The following OSTM1 variants were observed in gnomAD, a reference collection of about 807,000 sequenced individuals.
OSTM1 encodes osteopetrosis-associated transmembrane protein 1.
Under a neutral mutation model 35.4 loss-of-function variants are expected in OSTM1, and 26 were observed. The ratio of observed to expected loss-of-function variants is 0.73; its 90% confidence interval spans 0.54 to 1.02. The LOEUF (loss-of-function observed/expected upper bound fraction) is 1.02, where lower values mean the gene tolerates loss of function less well. Among genes scored for constraint, OSTM1 ranks in the 50% least tolerant of loss-of-function variants. The pLI, the probability that OSTM1 is intolerant of heterozygous loss-of-function variation, is 0.00. For missense variants in OSTM1, 366 were observed against 409.6 expected (o/e 0.89, Z 0.92); for synonymous variants, 181 against 165.0 (o/e 1.10, Z -0.75).
At chr6:108,048,634 T>C (rs566088127) in intron 5 of OSTM1, among the ~76,000 whole-genome samples, 1 of 152,296 alleles carries the variant, frequency 6.6e-6, no homozygotes, top group East Asian at 1.9e-4. Flanking sequence ...ATCTCCCTGC[T>C]ATTGCCATGT....
rs111481904 is a variant in OSTM1 at position 108,061,535 on chromosome 6, T to G, written c.517+2650A>C. ...TAGGTTAAATGATGTTTAAAAAACC[T>G]TTTTCTTTAAGACAGGGTCTTGCTC... is the stretch of plus-strand genomic sequence containing the variant. On this transcript the variant is annotated intron_variant, in intron 2 of 5. Coordinates refer to ENST00000193322, the MANE Select transcript of OSTM1 (RefSeq NM_014028.4). Among the ~76,000 whole-genome samples, 379 of 152,064 alleles carry G rather than the reference T, an allele frequency of 2.5e-3. 2 individuals carry two copies. Among genetic ancestry groups the G allele is most frequent in the African/African-American group, 8.9e-3 (370 of 41,490 alleles).
rs368663751 is a variant in OSTM1 at position 108,043,782 on chromosome 6, C to T, written c.*1003G>A. The T allele has an allele frequency of 2.0e-5, 3 of 152,252 alleles. No individual in the cohort carries two copies. The highest frequency in any genetic ancestry group is 4.1e-4 in the South Asian group (2 of 4,826). The allele number at this position is 152,252 out of a possible 1,614,324, so 9.4% of individuals were successfully genotyped here. ...CTCACTATTTTCTGCATGAGACTAT[C>T]GTTCCGATTCATCCCCTCAATACAC... On this transcript the variant is annotated 3_prime_UTR_variant, in exon 6 of 6. Coordinates refer to ENST00000193322, the MANE Select transcript of OSTM1 (RefSeq NM_014028.4).
At chr6:108,074,000 C>T (rs1446625467) in intron 1 of OSTM1, among the ~76,000 whole-genome samples, 2 of 152,242 alleles carry the variant, frequency 1.3e-5, no homozygotes, top group African/African-American at 4.8e-5. Flanking sequence ...GTTGGGGAAT[C>T]AGGACCCCCA....
Position 108,049,282 on chromosome 6 carries a change from G to C in OSTM1, c.920C>G (p.Ser307Ter). The C allele has an allele frequency of 6.2e-7, 1 of 1,612,680 alleles. No individual in the cohort carries two copies. Among genetic ancestry groups the C allele is most frequent in the Non-Finnish European group, 8.5e-7 (1 of 1,178,866 alleles). ...AATGAGTTTGCGTTTCTTTTGCTCT[G>C]AGTGAAGAAAGCTACTAAGGTAGAA... is the stretch of plus-strand genomic sequence containing the variant. ...VVFYLSSFLH[S>*]EQKKRKLILP... The change falls in exon 5 of 6, where the codon TCA (serine) becomes TGA (stop). Residue 307 changes from serine (S) to a stop codon, truncating the protein, a stop_gained. Transcript: ENST00000193322. LOFTEE classifies it high-confidence loss of function.
At chr6:108,072,817 G>C (rs1458946558) in intron 1 of OSTM1, among the ~76,000 whole-genome samples, 1 of 152,082 alleles carries the variant, frequency 6.6e-6, no homozygotes, top group Admixed American at 6.5e-5. Flanking sequence ...GAGTGCAGTA[G>C]TGCAATCTTG....
At chr6:108,066,404 T>A (rs945942604) in intron 1 of OSTM1, among the ~76,000 whole-genome samples, 5 of 152,072 alleles carry the variant, frequency 3.3e-5, no homozygotes, top group African/African-American at 9.7e-5. Context: ...AACAACTCTA[T>A]GAAATAGGTA....
intron 5 of OSTM1, among the ~76,000 whole-genome samples, 179 bp downstream of exon 5, chr6:108,049,074 C>G (rs1772031032): frequency 6.6e-6 from 1 of 152,060 alleles, no homozygotes; most frequent in Non-Finnish European, 1.5e-5. Flanking sequence ...TTATTGTCCA[C>G]ACTTATAAAA....
At chr6:108,069,921 ACTCCT>A (rs1772451319) in intron 1 of OSTM1, among the ~76,000 whole-genome samples, 1 of 152,072 alleles carries the variant, frequency 6.6e-6, no homozygotes, top group African/African-American at 2.4e-5. Context: ...TCCTTATTAT[ACTCCT>A]CTCCTCTCTC....
At position 108,061,503 on chromosome 6, in the gene OSTM1, A is replaced by G. The variant is rs180844843; in HGVS notation, c.517+2682T>C. On this transcript the variant is annotated intron_variant, in intron 2 of 5. Coordinates refer to ENST00000193322, the MANE Select transcript of OSTM1 (RefSeq NM_014028.4). Reference sequence around the variant, plus strand: ...TTTTTTTTTTTTTTTAAAGGCTTAGAAAGTGCTAGGTTAAATGATGTTTAA... The same window carrying G: ...TTTTTTTTTTTTTTTAAAGGCTTAGGAAGTGCTAGGTTAAATGATGTTTAA... Among the ~76,000 whole-genome samples the G allele has an allele frequency of 2.3e-3, 341 of 151,476 alleles. 1 individual carries two copies. Among genetic ancestry groups the G allele is most frequent in the African/African-American group, 8.0e-3 (332 of 41,278 alleles).
intron 5 of OSTM1, among the ~76,000 whole-genome samples, chr6:108,048,301 T>G (rs1484692166): frequency 2.0e-5 from 3 of 152,230 alleles, no homozygotes; most frequent in Non-Finnish European, 4.4e-5. Context: ...ACAGTTCTCT[T>G]TTTTAAAAAC....
intron 3 of OSTM1, among the ~76,000 whole-genome samples, chr6:108,053,346 T>C (rs1285710831): frequency 1.3e-5 from 2 of 152,208 alleles, no homozygotes; most frequent in African/African-American, 2.4e-5. Flanking sequence ...GGGATGACTT[T>C]ATAGAAAAAT....
intron 1 of OSTM1, 113 bp from the exon 2 acceptor site, chr6:108,064,412 G>A: frequency 1.4e-6 from 1 of 699,992 alleles, no homozygotes; most frequent in Non-Finnish European, 2.6e-6. Flanking sequence ...TTAACATTTT[G>A]TTTGATATGA....
chr6:108,072,314 T>C (rs1427982417), intron 1 of OSTM1, among the ~76,000 whole-genome samples: 4 of 152,144 alleles, frequency 2.6e-5, no homozygotes, highest in African/African-American at 7.2e-5. Context: ...AAATACCGCA[T>C]GTAAGCCTGA....
In OSTM1 at chr6:108,074,312, T is replaced by C; in HGVS notation, c.340A>G (p.Thr114Ala). The change falls in exon 1 of 6, where the codon ACC (threonine) becomes GCC (alanine). Residue 114 changes from threonine (T) to alanine (A), a missense_variant. Thr to Ala is a moderately conservative substitution (Grantham distance 58). Coordinates refer to ENST00000193322, the MANE Select transcript of OSTM1 (RefSeq NM_014028.4). ...RSARPVRLCQTCYPLFQQVVS... is the reference protein window; with the variant it reads ...RSARPVRLCQACYPLFQQVVS... Reference sequence around the variant, plus strand: ...ACCTGTTGGAAGAGGGGGTAGCAGGTCTGACAGAGGCGCACGGGCCGGGCG... The same window carrying C: ...ACCTGTTGGAAGAGGGGGTAGCAGGCCTGACAGAGGCGCACGGGCCGGGCG... The C allele has an allele frequency of 6.2e-7, 1 of 1,612,248 alleles. No homozygotes were observed. Among genetic ancestry groups the C allele is most frequent in the Non-Finnish European group, 8.5e-7 (1 of 1,179,900 alleles).
chr6:108,048,700 G>A (rs907039028), intron 5 of OSTM1, among the ~76,000 whole-genome samples: 32 of 151,294 alleles, frequency 2.1e-4, no homozygotes, highest in Admixed American at 2.0e-3. Flanking sequence ...TTATTCCAGG[G>A]GTAATCTAGC....
At chr6:108,050,955 C>T (rs543042223) in intron 4 of OSTM1, 76 bp downstream of exon 4, 1 of 1,256,764 alleles carries the variant, frequency 8.0e-7, no homozygotes, top group East Asian at 2.3e-5. Context: ...ACCCTATCAC[C>T]AAAAATAATA....
rs1015730966 is a variant in OSTM1 at position 108,046,296 on chromosome 6, A to G, written c.950-1456T>C. 2.1e-5 allele frequency among the ~76,000 whole-genome samples: 3 copies of G among 146,260 alleles called. No individual in the cohort carries two copies. The East Asian group carries it at 6.1e-4, about 30-fold the overall frequency. On this transcript the variant is annotated intron_variant, in intron 5 of 5. Coordinates refer to ENST00000193322, the MANE Select transcript of OSTM1 (RefSeq NM_014028.4). ...CGGCCTCCCAAAGTGCTGGGATTAC[A>G]GGCGTGAGCCACCGTGCCTGGCCTA...
rs1314593213 is a variant in OSTM1, at chr6:108,074,683, G to A, written c.-32C>T. The A allele has an allele frequency of 2.7e-6, 4 of 1,505,842 alleles. No individual in the cohort carries two copies. Among genetic ancestry groups the A allele is most frequent in the East Asian group, 5.2e-5 (2 of 38,188 alleles). 93.3% of individuals were successfully genotyped at this position (1,505,842 alleles called of 1,614,324 possible). ...GCTCACACACCCCAGGGAGCCCACC[G>A]CCGCCTCTCCGCCCCCAGCCGGCAC... On this transcript the variant is annotated 5_prime_UTR_variant, in exon 1 of 6. Transcript: ENST00000193322.
At chr6:108,056,926 A>T (rs569849949) in intron 2 of OSTM1, among the ~76,000 whole-genome samples, 2 of 152,322 alleles carry the variant, frequency 1.3e-5, no homozygotes, top group South Asian at 4.1e-4. Flanking sequence ...ATCATACCAC[A>T]AGTTAATAAG....
Sources: allele counts gnomAD v4.1 joint callset (sites outside exome capture counted in the v4.1 genomes callset), GRCh38; gene constraint gnomAD v4.1.1; transcripts MANE v1.5; gene names NCBI Gene and HGNC (gene_info 2026-07-23, HGNC 2026-07-21).